PCCA: variants seen among roughly 807,000 people sequenced by gnomAD.
The protein encoded by PCCA is propionyl-CoA carboxylase subunit alpha.
In PCCA, 74 loss-of-function variants were observed where a neutral mutation model predicts 101.3. The observed-to-expected ratio is 0.73, with a 90% CI of 0.61 to 0.89. The LOEUF (loss-of-function observed/expected upper bound fraction) is 0.89, where lower values mean the gene tolerates loss of function less well. Ranked by LOEUF, PCCA falls within the 40% of genes least tolerant of loss-of-function variation. The probability of loss-of-function intolerance (pLI) is 0.00; values close to 1 mark genes in which losing one functional copy is unlikely to be tolerated. For missense variants in PCCA, 891 were observed against 907.0 expected (o/e 0.98, Z 0.23); for synonymous variants, 294 against 313.6 (o/e 0.94, Z 0.66).
intron 6 of PCCA, among the ~76,000 whole-genome samples, chr13:100,206,946 C>T (rs961614802): frequency 4.6e-5 from 7 of 152,288 alleles, no homozygotes; most frequent in East Asian, 3.9e-4. Context: ...TCTTGCTCTC[C>T]GTGCTATCAT....
intron 22 of PCCA, among the ~76,000 whole-genome samples, chr13:100,519,226 A>AT (rs1334363635): frequency 2.6e-5 from 4 of 152,280 alleles, no homozygotes. Flanking sequence ...ATAAGCTGCT[A>AT]TATACTCATC....
chr13:100,158,281 A>G (rs1450237923), intron 6 of PCCA, among the ~76,000 whole-genome samples: 2 of 152,258 alleles, frequency 1.3e-5, no homozygotes, highest in Admixed American at 6.5e-5. Context: ...TCATTGAAAT[A>G]TTCTGTGGAG....
At chr13:100,379,828 C>T (rs1451085624) in intron 19 of PCCA, among the ~76,000 whole-genome samples, 2 of 152,162 alleles carry the variant, frequency 1.3e-5, no homozygotes, top group Non-Finnish European at 2.9e-5. Flanking sequence ...GTCCTTCCCA[C>T]ACATGTGGGA....
intron 6 of PCCA, among the ~76,000 whole-genome samples, chr13:100,162,013 C>T (rs576564036): frequency 3.9e-5 from 6 of 151,924 alleles, no homozygotes; most frequent in Non-Finnish European, 5.9e-5. Flanking sequence ...TTTGAACCTT[C>T]GAAACAAGAC....
intron 7 of PCCA, among the ~76,000 whole-genome samples, chr13:100,226,762 G>A (rs2060166878): frequency 6.6e-6 from 1 of 152,130 alleles, no homozygotes; most frequent in South Asian, 2.1e-4. Context: ...ATGGTAGTTT[G>A]GGGTGGCGGG....
chr13:100,152,721 CA>C (rs2053488447), intron 4 of PCCA, among the ~76,000 whole-genome samples: 1 of 152,196 alleles, frequency 6.6e-6, no homozygotes, highest in Non-Finnish European at 1.5e-5. Flanking sequence ...GCTGGGATTA[CA>C]GGCATGAGCC....
chr13:100,300,049 C>T (rs941117339), intron 12 of PCCA, among the ~76,000 whole-genome samples: 4 of 152,248 alleles, frequency 2.6e-5, no homozygotes, highest in African/African-American at 9.6e-5. Flanking sequence ...GAGATGCTTT[C>T]TCACATGAGA....
chr13:100,151,785 C>T (rs2053358778), intron 4 of PCCA, among the ~76,000 whole-genome samples: 1 of 152,006 alleles, frequency 6.6e-6, no homozygotes, highest in African/African-American at 2.4e-5. Flanking sequence ...CCAGTAAATC[C>T]TGCTTAGTTG....
intron 9 of PCCA, among the ~76,000 whole-genome samples, chr13:100,259,483 C>G (rs1326437570): frequency 6.6e-6 from 1 of 151,620 alleles, no homozygotes; most frequent in African/African-American, 2.4e-5. Context: ...TACAGCTGCA[C>G]GCCACCACAC....
chr13:100,467,476 A>G (rs994159351), intron 21 of PCCA, among the ~76,000 whole-genome samples: 3 of 152,090 alleles, frequency 2.0e-5, no homozygotes, highest in Non-Finnish European at 2.9e-5. Flanking sequence ...GGTTCAAGCT[A>G]TTCTTCTGCC....
chr13:100,430,457 C>T (rs763283535), intron 20 of PCCA, among the ~76,000 whole-genome samples: 1 of 152,076 alleles, frequency 6.6e-6, no homozygotes, highest in Non-Finnish European at 1.5e-5. Flanking sequence ...TTGAGCTGCT[C>T]TTGTTTTTGA....
intron 19 of PCCA, among the ~76,000 whole-genome samples, chr13:100,373,255 G>T (rs2075690198): frequency 1.3e-5 from 2 of 152,158 alleles, no homozygotes; most frequent in Non-Finnish European, 2.9e-5. Context: ...CCACCCGTTA[G>T]AATGGCTAGT....
rs370901409 is a variant in PCCA at position 100,292,640 on chromosome 13, C to T, written c.1066-8820C>T. 1.3e-4 allele frequency among the ~76,000 whole-genome samples: 20 copies of T among 152,182 alleles called. No homozygotes were observed. The South Asian group carries it at 4.1e-3, about 32-fold the overall frequency. ...ATTACTATTGTCATTAATATAAAGCCTGTCTGACATCTGAAAAGATGGCAA... is the reference window on the plus strand; with the variant it reads ...ATTACTATTGTCATTAATATAAAGCTTGTCTGACATCTGAAAAGATGGCAA... On this transcript the variant is annotated intron_variant, in intron 12 of 23. Coordinates refer to ENST00000376285, the MANE Select transcript of PCCA (RefSeq NM_000282.4).
At chr13:100,262,927 G>A (rs934981136) in intron 10 of PCCA, 96 bp downstream of exon 10, 1 of 691,964 alleles carries the variant, frequency 1.4e-6, no homozygotes, top group Non-Finnish European at 2.6e-6. Context: ...ATGATTGTGA[G>A]TTGTGCCTTT....
chr13:100,243,653 C>A (rs2061279968), intron 8 of PCCA, among the ~76,000 whole-genome samples: 1 of 152,158 alleles, frequency 6.6e-6, no homozygotes, highest in South Asian at 2.1e-4. Flanking sequence ...GTATGAAAGT[C>A]TTTTACTGAA....
chr13:100,528,561 G>A (rs1281620878), intron 23 of PCCA, among the ~76,000 whole-genome samples: 1 of 152,228 alleles, frequency 6.6e-6, no homozygotes, highest in Non-Finnish European at 1.5e-5. Flanking sequence ...CACTGCAGAA[G>A]GCAATGAAAT....
At chr13:100,485,501 A>G (rs1031073522) in intron 21 of PCCA, among the ~76,000 whole-genome samples, 2 of 152,242 alleles carry the variant, frequency 1.3e-5, no homozygotes, top group Non-Finnish European at 2.9e-5. Context: ...GCTTAGGTCA[A>G]TTGTAAGAGG....
intron 8 of PCCA, among the ~76,000 whole-genome samples, chr13:100,257,133 A>G (rs2062128567): frequency 6.6e-6 from 1 of 152,298 alleles, no homozygotes; most frequent in African/African-American, 2.4e-5. Context: ...TAAAAGCTGT[A>G]GGGGTTGTCT....
chr13:100,171,893 G>A (rs1009537622), intron 6 of PCCA, among the ~76,000 whole-genome samples: 9 of 152,134 alleles, frequency 5.9e-5, no homozygotes, highest in South Asian at 2.1e-4. Context: ...TTAGCCGGGC[G>A]TGGTGGCAGG....
Sources: allele counts gnomAD v4.1 joint callset (sites outside exome capture counted in the v4.1 genomes callset), GRCh38; gene constraint gnomAD v4.1.1; transcripts MANE v1.5; gene names NCBI Gene and HGNC (gene_info 2026-07-23, HGNC 2026-07-21).